Variants in PTPRD observed in about 807,000 individuals in gnomAD.
The protein encoded by PTPRD is receptor-type tyrosine-protein phosphatase delta.
A neutral mutation model predicts 214.5 loss-of-function variants in PTPRD; 34 were observed. That is an observed-to-expected ratio of 0.16 (90% CI 0.12 to 0.21). The LOEUF (loss-of-function observed/expected upper bound fraction) is 0.21, where lower values mean the gene tolerates loss of function less well. PTPRD is among the 10% of genes least tolerant of loss of function. PTPRD has a pLI of 1.00. For missense variants in PTPRD, 2,545 were observed against 2,398.7 expected, an observed-to-expected ratio of 1.06 and a Z score of -1.27; for synonymous variants, 1,128 against 845.7, an observed-to-expected ratio of 1.33 and a Z score of -5.79.
At chr9:9,567,862 GA>G in intron 8 of PTPRD, among the ~76,000 whole-genome samples, 1 of 152,028 alleles carries the variant, frequency 6.6e-6, no homozygotes, top group South Asian at 2.1e-4. Context: ...GAAGAGATGT[GA>G]AAAGGTATTT....
intron 8 of PTPRD, among the ~76,000 whole-genome samples, chr9:9,497,079 G>C (rs1027632653): frequency 1.3e-5 from 2 of 152,226 alleles, no homozygotes; most frequent in African/African-American, 4.8e-5. Context: ...TATTGTTGAG[G>C]GGTGTTTGGG....
intron 39 of PTPRD, among the ~76,000 whole-genome samples, chr9:8,373,518 T>C (rs2082148503): frequency 5.3e-5 from 8 of 151,892 alleles, no homozygotes. Context: ...CAGCAGCTAT[T>C]AGCTCAGCAC....
chr9:8,842,787 A>G (rs2097584633), intron 11 of PTPRD, among the ~76,000 whole-genome samples: 1 of 152,194 alleles, frequency 6.6e-6, no homozygotes, highest in South Asian at 2.1e-4. Flanking sequence ...CAAACGCACT[A>G]TAATAAAGCA....
intron 39 of PTPRD, among the ~76,000 whole-genome samples, chr9:8,343,888 G>C (rs144984905): frequency 1.1e-4 from 16 of 152,110 alleles, no homozygotes; most frequent in Non-Finnish European, 1.9e-4. Context: ...TAGGAAGCAG[G>C]ACTCTTCAGA....
At chr9:9,708,588 G>C (rs56273998) in intron 7 of PTPRD, among the ~76,000 whole-genome samples, 3,882 of 151,920 alleles carry the variant, frequency 0.026, 151 homozygotes, top group African/African-American at 0.086. Context: ...AGGACAACCC[G>C]ATTTCAAAGT....
chr9:10,231,955 TTAGA>T (rs1329330392), intron 3 of PTPRD, among the ~76,000 whole-genome samples: 4 of 75,804 alleles, frequency 5.3e-5, no homozygotes, highest in South Asian at 9.4e-4. Context: ...TGGGAATGAA[TTAGA>T]GAGAGAGAGA....
chr9:8,982,653 AG>A (rs1387802385), intron 11 of PTPRD, among the ~76,000 whole-genome samples: 5 of 151,970 alleles, frequency 3.3e-5, no homozygotes, highest in East Asian at 1.9e-4. Context: ...TCTGGGATAA[AG>A]GGTTTCTAAA....
intron 2 of PTPRD, among the ~76,000 whole-genome samples, chr9:10,533,810 G>T (rs868243792): frequency 2.0e-5 from 3 of 151,700 alleles, no homozygotes; most frequent in African/African-American, 7.2e-5. Flanking sequence ...CATATTTCAT[G>T]CATACTTTCA....
intron 3 of PTPRD, among the ~76,000 whole-genome samples, chr9:10,185,945 T>C (rs1488829889): frequency 2.6e-5 from 4 of 152,144 alleles, no homozygotes; most frequent in African/African-American, 9.6e-5. Flanking sequence ...CAGAGTGATT[T>C]CTAGCAGAGC....
intron 11 of PTPRD, among the ~76,000 whole-genome samples, chr9:8,811,527 C>T (rs371711305): frequency 1.3e-5 from 2 of 152,136 alleles, no homozygotes; most frequent in East Asian, 1.9e-4. Flanking sequence ...CAAGCCCAAT[C>T]GGGAAACAGT....
At chr9:8,870,840 T>G (rs573885129) in intron 11 of PTPRD, among the ~76,000 whole-genome samples, 61 of 152,230 alleles carry the variant, frequency 4.0e-4, no homozygotes, top group African/African-American at 1.4e-3. Flanking sequence ...CCTCTGGCTC[T>G]CTCAGAACTT....
chr9:8,804,503 CGGG>C (rs2096635573), intron 11 of PTPRD, among the ~76,000 whole-genome samples: 1 of 151,918 alleles, frequency 6.6e-6, no homozygotes, highest in African/African-American at 2.4e-5. Flanking sequence ...GAGGCTGGGA[CGGG>C]AGGATTGCTG....
At chr9:10,370,120 GACTTGAACCATC>G (rs2097582324) in intron 2 of PTPRD, among the ~76,000 whole-genome samples, 4 of 152,024 alleles carry the variant, frequency 2.6e-5, no homozygotes, top group Admixed American at 1.3e-4. Context: ...TGAAACAAGA[GACTTGAACCATC>G]ACTTATTTGA....
At chr9:10,212,501 T>C (rs2154342562) in intron 3 of PTPRD, among the ~76,000 whole-genome samples, 1 of 152,200 alleles carries the variant, frequency 6.6e-6, no homozygotes, top group Admixed American at 6.6e-5. Flanking sequence ...TCATAGTGAG[T>C]CCTTTATTCC....
At chr9:9,732,437 G>A (rs372416549) in intron 7 of PTPRD, among the ~76,000 whole-genome samples, 2 of 152,070 alleles carry the variant, frequency 1.3e-5, no homozygotes, top group African/African-American at 4.8e-5. Flanking sequence ...TATATTAGAA[G>A]ATAGAAGACC....
chr9:9,952,793 G>C (rs1007296751), intron 4 of PTPRD, among the ~76,000 whole-genome samples: 1 of 152,158 alleles, frequency 6.6e-6, no homozygotes, highest in Admixed American at 6.5e-5. Flanking sequence ...CCTCCAGTTA[G>C]AGTGAGGGCT....
intron 14 of PTPRD, among the ~76,000 whole-genome samples, chr9:8,586,408 C>G (rs538138586): frequency 2.2e-4 from 33 of 152,276 alleles, no homozygotes; most frequent in African/African-American, 7.5e-4. Context: ...CCCTTCTTCA[C>G]CATAGCAGTG....
chr9:9,994,668 C>T (rs1040969595), intron 4 of PTPRD, among the ~76,000 whole-genome samples: 10 of 152,062 alleles, frequency 6.6e-5, no homozygotes, highest in South Asian at 2.1e-4. Flanking sequence ...TATGAAATGT[C>T]GAGTTTATAC....
chr9:10,349,670 G>A (rs938179484), intron 2 of PTPRD, among the ~76,000 whole-genome samples: 3 of 152,068 alleles, frequency 2.0e-5, no homozygotes, highest in Admixed American at 6.6e-5. Flanking sequence ...CATAATATCT[G>A]TTGAATTTAG....
Sources: gnomAD v4.1 joint callset for allele counts (sites outside exome capture counted in the v4.1 genomes callset) on GRCh38, gnomAD v4.1.1 for gene constraint, MANE v1.5 for transcripts, NCBI Gene and HGNC (gene_info 2026-07-23, HGNC 2026-07-21) for gene names.